Variants in NLRP13 observed in about 807,000 individuals in gnomAD.
NLRP13 encodes NLR family pyrin domain containing 13.
Under a neutral mutation model 94.4 loss-of-function variants are expected in NLRP13, and 82 were observed. That is an observed-to-expected ratio of 0.87 (90% CI 0.73 to 1.04). The LOEUF (loss-of-function observed/expected upper bound fraction) is 1.04, where lower values mean the gene tolerates loss of function less well. NLRP13 is among the 50% of genes least tolerant of loss of function. The probability of loss-of-function intolerance (pLI) is 0.00; values close to 1 mark genes in which losing one functional copy is unlikely to be tolerated. For missense variants in NLRP13, 1,426 were observed against 1,230.8 expected (o/e 1.16, Z -2.37); for synonymous variants, 553 against 464.7 (o/e 1.19, Z -2.45).
At chr19:55,928,473 A>T (rs1007264212) in intron 1 of NLRP13, among the ~76,000 whole-genome samples, 3 of 152,044 alleles carry the variant, frequency 2.0e-5, no homozygotes, top group Non-Finnish European at 4.4e-5. Context: ...TGATGGACAC[A>T]CTCCATTTAC....
Position 55,912,317 on chromosome 19 carries a change from T to TTAAA in NLRP13, c.1499_1500insTTTA (p.Lys500AsnfsTer6), listed in dbSNP as rs1986541613. 1 of 1,614,160 alleles carries TTAAA rather than the reference T, an allele frequency of 6.2e-7. No homozygotes were observed. Among genetic ancestry groups the TTAAA allele is most frequent in the African/African-American group, 1.3e-5 (1 of 75,054 alleles). On this transcript the variant is annotated frameshift_variant, in exon 5 of 11. Transcript: ENST00000342929. LOFTEE classifies it high-confidence loss of function. The stretch of plus-strand genomic sequence containing the variant: ...CCAGGCCCTCGATCTCAGTGTCTTC[T>TTAAA]TTGTTAAACGTGAAGTTCATAGACC...
intron 4 of NLRP13, among the ~76,000 whole-genome samples, chr19:55,913,572 G>A (rs1489519359): frequency 8.6e-4 from 70 of 81,040 alleles, no homozygotes; most frequent in Non-Finnish European, 9.8e-4. Context: ...AAAAAAAAAA[G>A]TTGCAAAATA....
chr19:55,926,915 G>A (rs1315083252), intron 1 of NLRP13, among the ~76,000 whole-genome samples: 1 of 152,076 alleles, frequency 6.6e-6, no homozygotes, highest in Non-Finnish European at 1.5e-5. Flanking sequence ...AGATGCAGAA[G>A]CAATTCAATA....
rs1986299350 is a variant in NLRP13, at chr19:55,905,124, G to A, written c.2448-12C>T. On this transcript the variant is annotated splice_polypyrimidine_tract_variant and intron_variant, in intron 7 of 10. Coordinates refer to ENST00000342929, the MANE Select transcript of NLRP13 (RefSeq NM_176810.2). ...TGCATTTCTCCAGGCTGTGGAAGGT[G>A]CAGGTGCAAGGTGAGCCTCAGCCAT... 6.2e-7 allele frequency: 1 copy of A among 1,613,186 alleles called. No individual in the cohort carries two copies. Among genetic ancestry groups the A allele is most frequent in the Non-Finnish European group, 8.5e-7 (1 of 1,179,652 alleles).
At chr19:55,893,538 A>G (rs1042450954), downstream of NLRP13, among the ~76,000 whole-genome samples, 3 of 152,116 alleles carry the variant, frequency 2.0e-5, no homozygotes, top group Admixed American at 2.0e-4. Context: ...CCACCACCCT[A>G]GCCTTACCCA....
At chr19:55,907,682 C>G in intron 7 of NLRP13, 110 bp downstream of exon 7, 2 of 1,023,482 alleles carry the variant, frequency 2.0e-6, no homozygotes, top group Non-Finnish European at 3.0e-6. Flanking sequence ...TCATCCTTCT[C>G]TGTCTCCTTT....
intron 2 of NLRP13, 131 bp downstream of exon 2, chr19:55,924,836 T>C (rs1986929010): frequency 5.8e-6 from 5 of 867,050 alleles, no homozygotes; most frequent in Admixed American, 2.2e-5. Context: ...CTGAAAGAAT[T>C]AGTTGGAAAG....
rs1281777729 is a variant in NLRP13, at chr19:55,912,122, C to T, written c.1695G>A (p.Glu565=). 4 of 1,614,116 alleles carry T rather than the reference C, an allele frequency of 2.5e-6. No individual in the cohort carries two copies. Among genetic ancestry groups the T allele is most frequent in the Non-Finnish European group, 3.4e-6 (4 of 1,180,046 alleles). The change falls in exon 5 of 11, where the codon GAG becomes GAA. Residue 565 remains glutamate, a synonymous_variant. Transcript: ENST00000342929. ...AGACGTGTTGCAGTAACATCTTCAT[C>T]TCTTGTGGCTTTGTGGAATGGGGAG... ...EFPPHSTKPQ[E]MKMLLQHVLL... is the part of the protein sequence containing the mutation.
chr19:55,932,164 C>A lies in NLRP13; in HGVS notation c.148G>T (p.Gly50Trp), dbSNP rs1310852384. Reference protein sequence around the residue: ...QLMDFWSAPQGHFPRIPWANL... With the variant: ...QLMDFWSAPQWHFPRIPWANL... ...GCCCAGGGGATACGCGGGAAGTGCC[C>A]CTGGGGGGCCGACCAGAAGTCCATC... The change falls in exon 1 of 11, where the codon GGG becomes TGG. Residue 50 changes from glycine to tryptophan, a missense_variant. Coordinates refer to ENST00000342929, the MANE Select transcript of NLRP13 (RefSeq NM_176810.2). 6.2e-7 allele frequency: 1 copy of A among 1,614,072 alleles called. No individual in the cohort carries two copies. Among genetic ancestry groups the A allele is most frequent in the South Asian group, 1.1e-5 (1 of 91,078 alleles).
intron 4 of NLRP13, 115 bp downstream of exon 4, chr19:55,923,799 A>G: frequency 1.3e-6 from 1 of 760,498 alleles, no homozygotes; most frequent in Non-Finnish European, 2.3e-6. Flanking sequence ...CTTTTAATTT[A>G]TTGCATACCA....
intron 1 of NLRP13, among the ~76,000 whole-genome samples, chr19:55,927,306 T>C (rs757103108): frequency 4.7e-5 from 7 of 149,034 alleles, no homozygotes; most frequent in Non-Finnish European, 8.9e-5. Context: ...AGGCAGAGGT[T>C]GCAGTGAGCC....
At chr19:55,915,181 A>G (rs1418356971) in intron 4 of NLRP13, among the ~76,000 whole-genome samples, 1 of 152,204 alleles carries the variant, frequency 6.6e-6, no homozygotes, top group Non-Finnish European at 1.5e-5. Context: ...ATAGTTCAAC[A>G]CTTCAGAAAA....
At chr19:55,931,699 G>A (rs1987139930) in intron 1 of NLRP13, among the ~76,000 whole-genome samples, 1 of 43,192 alleles carries the variant, frequency 2.3e-5, no homozygotes, top group South Asian at 7.2e-4. Flanking sequence ...ACAGAGTGGA[G>A]ACTCAGGCTC....
At chr19:55,926,423 G>T (rs1986967013) in intron 1 of NLRP13, among the ~76,000 whole-genome samples, 1 of 152,152 alleles carries the variant, frequency 6.6e-6, no homozygotes, top group Non-Finnish European at 1.5e-5. Flanking sequence ...GCGGGCATAT[G>T]GAAGTTCCAC....
At chr19:55,927,405 A>G (rs2123147602) in intron 1 of NLRP13, among the ~76,000 whole-genome samples, 1 of 150,814 alleles carries the variant, frequency 6.6e-6, no homozygotes, top group Non-Finnish European at 1.5e-5. Flanking sequence ...ACTATATGAC[A>G]CATTTGCCTT....
chr19:55,930,898 A>ACACGTATATATATACATATATATATACAT, intron 1 of NLRP13, among the ~76,000 whole-genome samples: 1 of 104,890 alleles, frequency 9.5e-6, no homozygotes. Context: ...ATATATATAT[A>ACACGTATATATATACATATATATATACAT]AAATTTTAAC....
At chr19:55,900,456 G>A (rs1011155923) in intron 9 of NLRP13, among the ~76,000 whole-genome samples, 1 of 152,200 alleles carries the variant, frequency 6.6e-6, no homozygotes, top group African/African-American at 2.4e-5. Flanking sequence ...CATTGTGGAA[G>A]ACAGTGTGAC....
chr19:55,928,684 G>C (rs982688922), intron 1 of NLRP13, among the ~76,000 whole-genome samples: 1 of 152,124 alleles, frequency 6.6e-6, no homozygotes, highest in African/African-American at 2.4e-5. Flanking sequence ...TATTCAGTTG[G>C]AAACAGAATT....
rs777188720 is a variant in NLRP13, at chr19:55,896,002, G to T, written c.3075C>A (p.Val1025=). Residue 1025 remains valine, a synonymous_variant, in exon 11 of 11, where the codon GTC becomes GTA. Transcript: ENST00000342929. The stretch of plus-strand genomic sequence containing the variant: ...TTTTCAAAGCCTTACATAGCATCTT[G>T]ACACCATCAGTATCCAATTCATTGC... ...LLGNELDTDG[V]KMLCKALKKS... is the part of the protein sequence containing the mutation. 1 of 1,614,148 alleles carries T rather than the reference G, an allele frequency of 6.2e-7. No individual in the cohort carries two copies. The highest frequency in any genetic ancestry group is 2.2e-5 in the East Asian group (1 of 44,870).
Sources: allele counts gnomAD v4.1 joint callset (sites outside exome capture counted in the v4.1 genomes callset), GRCh38; gene constraint gnomAD v4.1.1; transcripts MANE v1.5; gene names NCBI Gene and HGNC (gene_info 2026-07-23, HGNC 2026-07-21).